EPHA4: variants seen among roughly 807,000 people sequenced by gnomAD.
EPHA4 encodes EPH receptor A4.
Under a neutral mutation model 108.3 loss-of-function variants are expected in EPHA4, and 19 were observed. That is an observed-to-expected ratio of 0.18 (90% CI 0.12 to 0.26). EPHA4 has a LOEUF of 0.26. EPHA4 is among the 10% of genes least tolerant of loss of function. EPHA4 has a pLI of 1.00. For missense variants in EPHA4, 917 were observed against 1,254.0 expected, an observed-to-expected ratio of 0.73 and a Z score of 4.06; for synonymous variants, 449 against 455.5, an observed-to-expected ratio of 0.99 and a Z score of 0.18.
At chr2:221,514,092 GGGA>G (rs201938769) in intron 3 of EPHA4, among the ~76,000 whole-genome samples, 2,062 of 74,558 alleles carry the variant, frequency 0.028, 65 homozygotes, top group African/African-American at 0.11. Context: ...GTAAGCCGGG[GGGA>G]GGGGGTTTGA....
chr2:221,444,897 A>G (rs1217487083), intron 9 of EPHA4, among the ~76,000 whole-genome samples: 1 of 151,860 alleles, frequency 6.6e-6, no homozygotes, highest in Non-Finnish European at 1.5e-5. Context: ...ATCTGGGATT[A>G]CAGGCGTGCA....
intron 5 of EPHA4, among the ~76,000 whole-genome samples, chr2:221,481,357 C>G (rs1432127033): frequency 8.6e-6 from 1 of 116,172 alleles, no homozygotes; most frequent in Non-Finnish European, 1.7e-5. Context: ...CCACGTCAAT[C>G]AAGAAATCAA....
At chr2:221,522,912 T>C (rs1032812720) in intron 3 of EPHA4, among the ~76,000 whole-genome samples, 3 of 151,762 alleles carry the variant, frequency 2.0e-5, no homozygotes, top group South Asian at 4.2e-4. Context: ...GGATTACAGG[T>C]GCGTGCCACC....
At chr2:221,503,160 C>T (rs1467613259) in intron 3 of EPHA4, among the ~76,000 whole-genome samples, 1 of 152,222 alleles carries the variant, frequency 6.6e-6, no homozygotes, top group Non-Finnish European at 1.5e-5. Flanking sequence ...TCGACAAAAG[C>T]AACTTGTGGC....
chr2:221,569,000 A>G (rs2680844), intron 1 of EPHA4, among the ~76,000 whole-genome samples: 141,426 of 152,222 alleles, frequency 0.93, 65,716 homozygotes, highest in African/African-American at 0.95. Flanking sequence ...AACTTGCTTA[A>G]CATTTAAAAT....
At chr2:221,523,069 T>TCTGTCC (rs1261196312) in intron 3 of EPHA4, among the ~76,000 whole-genome samples, 11 of 150,902 alleles carry the variant, frequency 7.3e-5, no homozygotes, top group Non-Finnish European at 1.3e-4. Flanking sequence ...AGCCAAAAGA[T>TCTGTCC]TTTTTTAAAC....
At chr2:221,561,119 G>A (rs7586899) in intron 3 of EPHA4, among the ~76,000 whole-genome samples, 44,313 of 151,708 alleles carry the variant, frequency 0.29, 6,821 homozygotes, top group African/African-American at 0.37. Flanking sequence ...GCGGGCGCCT[G>A]TAGTCCCAGC....
At chr2:221,491,377 T>C (rs1000308845) in intron 4 of EPHA4, among the ~76,000 whole-genome samples, 1 of 152,220 alleles carries the variant, frequency 6.6e-6, no homozygotes, top group East Asian at 1.9e-4. Context: ...GAAAAGTATT[T>C]ATTGTTCACA....
Position 221,442,822 on chromosome 2 carries a change from C to T in EPHA4, c.2074+7G>A. Reference sequence around the variant, plus strand: ...GCTTGGCTTTGTAAAGGGGGTGACCCACGTACATTTAGTGACCACGCCTTC... The same window carrying T: ...GCTTGGCTTTGTAAAGGGGGTGACCTACGTACATTTAGTGACCACGCCTTC... On this transcript the variant is annotated splice_region_variant and intron_variant, in intron 11 of 17. Coordinates refer to ENST00000281821, the MANE Select transcript of EPHA4 (RefSeq NM_004438.5). The T allele has an allele frequency of 1.2e-6, 2 of 1,613,968 alleles. No homozygotes were observed. Among genetic ancestry groups the T allele is most frequent in the East Asian group, 2.2e-5 (1 of 44,882 alleles).
chr2:221,537,036 G>A (rs892882849), intron 3 of EPHA4, among the ~76,000 whole-genome samples: 1 of 152,206 alleles, frequency 6.6e-6, no homozygotes, highest in Non-Finnish European at 1.5e-5. Flanking sequence ...GAGAGAGAGA[G>A]AAATCTCTAT....
At chr2:221,568,989 C>G (rs1694751728) in intron 1 of EPHA4, among the ~76,000 whole-genome samples, 1 of 152,158 alleles carries the variant, frequency 6.6e-6, no homozygotes, top group South Asian at 2.1e-4. Context: ...CTTATTTATT[C>G]AACTTGCTTA....
At chr2:221,553,679 G>A (rs1332459999) in intron 3 of EPHA4, among the ~76,000 whole-genome samples, 1 of 152,260 alleles carries the variant, frequency 6.6e-6, no homozygotes. Flanking sequence ...AAGAGATAAC[G>A]CCATAAAATA....
Position 221,457,923 on chromosome 2 carries a change from C to T in EPHA4, c.1386G>A (p.Leu462=). The T allele has an allele frequency of 6.2e-7, 1 of 1,613,862 alleles. No individual in the cohort carries two copies. ...TTACCCCATTGGGCCGATCTGGTTC[C>T]AGCCAAGCCAGTGCCACACTGTATC... ...VTRYSVALAW[L]EPDRPNGVIL... The change falls in exon 6 of 18, where the codon CTG becomes CTA. Residue 462 remains leucine, a synonymous_variant. Coordinates refer to ENST00000281821, the MANE Select transcript of EPHA4 (RefSeq NM_004438.5).
intron 2 of EPHA4, 133 bp downstream of exon 2, chr2:221,568,585 A>T: frequency 1.8e-6 from 1 of 567,418 alleles, no homozygotes; most frequent in Non-Finnish European, 3.1e-6. Flanking sequence ...ACAAAGCGTA[A>T]TTCACTTCAT....
At chr2:221,485,645 T>A (rs1173656105) in intron 4 of EPHA4, among the ~76,000 whole-genome samples, 2 of 152,150 alleles carry the variant, frequency 1.3e-5, no homozygotes, top group African/African-American at 4.8e-5. Flanking sequence ...CAAATTAAAA[T>A]CATAATGTGG....
chr2:221,561,921 C>G (rs141175427), intron 3 of EPHA4, among the ~76,000 whole-genome samples: 43 of 152,246 alleles, frequency 2.8e-4, no homozygotes, highest in South Asian at 6.2e-4. Flanking sequence ...ATGTGCGGCT[C>G]CTGTCTTACA....
chr2:221,463,905 G>C (rs971970242), intron 5 of EPHA4, among the ~76,000 whole-genome samples: 5 of 152,170 alleles, frequency 3.3e-5, no homozygotes, highest in African/African-American at 1.2e-4. Context: ...AAACAGTTTG[G>C]GGGGAACTTT....
rs756219030 is a variant in EPHA4, at chr2:221,571,768, G to T, written c.91+390C>A. On this transcript the variant is annotated intron_variant, in intron 1 of 17. Coordinates refer to ENST00000281821, the MANE Select transcript of EPHA4 (RefSeq NM_004438.5). This position sits in a 1 kb window ranked among gnomAD's most constrained non-coding sequence, Gnocchi z 6.3. ...TCCGGGAGCACCAAGCCTTCACTGT[G>T]CTCCAGGCTGCGTTTTCCCCTCGCC... Among the ~76,000 whole-genome samples, 2 of 152,146 alleles carry T rather than the reference G, an allele frequency of 1.3e-5. No homozygotes were observed. The highest frequency in any genetic ancestry group is 2.9e-5 in the Non-Finnish European group (2 of 68,022).
intron 3 of EPHA4, among the ~76,000 whole-genome samples, chr2:221,516,516 G>A (rs2106169927): frequency 6.6e-6 from 1 of 152,112 alleles, no homozygotes; most frequent in African/African-American, 2.4e-5. Flanking sequence ...CGCGACCCCT[G>A]GTTAATATTT....
Sources: gnomAD v4.1 joint callset for allele counts (sites outside exome capture counted in the v4.1 genomes callset) on GRCh38, gnomAD v4.1.1 for gene constraint, Gnocchi (gnomAD v3.1) non-coding constraint, MANE v1.5 for transcripts, NCBI Gene and HGNC (gene_info 2026-07-23, HGNC 2026-07-21) for gene names.